CFAP54: variants seen among roughly 807,000 people sequenced by gnomAD.
The protein encoded by CFAP54 is cilia- and flagella-associated protein 54.
Under a neutral mutation model 370.4 loss-of-function variants are expected in CFAP54, and 290 were observed. The observed-to-expected ratio is 0.78, with a 90% CI of 0.71 to 0.86. The LOEUF is 0.86. Among genes scored for constraint, CFAP54 ranks in the 40% least tolerant of loss-of-function variants. CFAP54 has a pLI of 0.00. For synonymous variants in CFAP54, 1,206 were observed against 1,236.5 expected (o/e 0.98, Z 0.52); for missense variants, 3,399 against 3,528.7 (o/e 0.96, Z 0.93).
Position 96,533,810 on chromosome 12 carries a change from A to G in CFAP54, c.1376A>G (p.Asp459Gly). Residue 459 changes from aspartate (D) to glycine (G), a missense_variant, in exon 10 of 68, where the codon GAT (aspartate) becomes GGT (glycine). Physicochemically the swap from Asp to Gly is moderately conservative, Grantham distance 94 (BLOSUM62 -1). This residue lies in a region of CFAP54 where 559 missense variants were observed against 576.7 expected (regional missense o/e 0.97). Transcript: ENST00000524981. The stretch of plus-strand genomic sequence containing the variant: ...TTCCTAGTGTCAAATATTGGTGCAG[A>G]TGGAATGCTTGATTTTCCAAAAACA... ...ELLIMSNIGA[D>G]GMLDFPKTSL... 6.6e-7 allele frequency: 1 copy of G among 1,526,246 alleles called. No individual in the cohort carries two copies. The highest frequency in any genetic ancestry group is 1.4e-5 in the African/African-American group (1 of 72,614). 94.5% of individuals were successfully genotyped at this position (1,526,246 alleles called of 1,614,324 possible).
rs1959917292 is a variant in CFAP54 at position 96,863,134 on chromosome 12, G to A, written c.*14+2182G>A. On this transcript the variant is annotated intron_variant, in intron 67 of 67. Transcript: ENST00000524981. ...TTATAGAACCCTAGAACAATACCTG[G>A]CACATAGGTCTATATTTGTTGGATG... is the stretch of plus-strand genomic sequence containing the variant. Among the ~76,000 whole-genome samples, 3 of 149,826 alleles carry A rather than the reference G, an allele frequency of 2.0e-5. No homozygotes were observed. The Admixed American group carries it at 2.0e-4, about 10-fold the overall frequency.
chr12:96,492,717 GTGC>G (rs1311041337), intron 1 of CFAP54, among the ~76,000 whole-genome samples: 3 of 152,224 alleles, frequency 2.0e-5, no homozygotes, highest in Non-Finnish European at 4.4e-5. Context: ...CCTTGGCCTG[GTGC>G]AGTGGCTTAC....
chr12:96,608,822 G>GAC (rs1336906330), intron 26 of CFAP54, among the ~76,000 whole-genome samples: 1 of 152,074 alleles, frequency 6.6e-6, no homozygotes, highest in African/African-American at 2.4e-5. Context: ...ATAAGAGAGA[G>GAC]AAAACAGGAA....
At chr12:96,692,060 T>C (rs1830178907) in intron 44 of CFAP54, among the ~76,000 whole-genome samples, 1 of 152,078 alleles carries the variant, frequency 6.6e-6, no homozygotes, top group Non-Finnish European at 1.5e-5. Flanking sequence ...TCCATGATTT[T>C]CATACCTTCT....
intron 8 of CFAP54, 34 bp downstream of exon 8, chr12:96,522,223 C>G: frequency 7.4e-7 from 1 of 1,357,134 alleles, no homozygotes; most frequent in Middle Eastern, 2.4e-4. Context: ...CTTTAAGACT[C>G]TTTTTGCAGT....
chr12:96,550,342 C>T (rs1196123910), intron 15 of CFAP54, among the ~76,000 whole-genome samples: 6 of 152,066 alleles, frequency 3.9e-5, no homozygotes, highest in Admixed American at 1.3e-4. Context: ...TTTGGAAGGC[C>T]GAGGTGGGCA....
At chr12:96,612,028 C>T (rs534366367) in intron 26 of CFAP54, among the ~76,000 whole-genome samples, 1 of 152,272 alleles carries the variant, frequency 6.6e-6, no homozygotes, top group African/African-American at 2.4e-5. Context: ...CATTCAAATT[C>T]AGGGTTACAG....
intron 47 of CFAP54, among the ~76,000 whole-genome samples, chr12:96,705,120 C>T (rs961698613): frequency 6.6e-6 from 1 of 152,104 alleles, no homozygotes; most frequent in Non-Finnish European, 1.5e-5. Context: ...AGAGTTGTGG[C>T]ACAACCATTG....
chr12:96,755,542 T>C (rs761663117), intron 56 of CFAP54, among the ~76,000 whole-genome samples: 7 of 152,322 alleles, frequency 4.6e-5, no homozygotes, highest in Non-Finnish European at 1.0e-4. Flanking sequence ...TTTATGTGCC[T>C]GGCTTATTTC....
rs77414458 is a variant in CFAP54 at position 96,749,281 on chromosome 12, C to T, written c.7685-4462C>T. On this transcript the variant is annotated intron_variant, in intron 55 of 67. Coordinates refer to ENST00000524981, the MANE Select transcript of CFAP54 (RefSeq NM_001306084.2). ...CAGGCTTTCTCAAGTTTGTCTTTTA[C>T]GAGGACAAGTCTGTCTTCTTGTTTT... Among the ~76,000 whole-genome samples, 865 of 152,322 alleles carry T rather than the reference C, an allele frequency of 5.7e-3. 8 individuals are homozygous for T. The highest frequency in any genetic ancestry group is 0.019 in the African/African-American group (808 of 41,568).
Position 96,704,775 on chromosome 12 carries a change from T to C in CFAP54, c.6507T>C (p.Leu2169=), listed in dbSNP as rs747647172. The change falls in exon 47 of 68, where the codon CTT becomes CTC. Residue 2169 remains leucine (L), a synonymous_variant. Coordinates refer to ENST00000524981, the MANE Select transcript of CFAP54 (RefSeq NM_001306084.2). ...IFQSFDSGKL[L]TSKENIQAID... ...AATCATTTGACTCAGGAAAACTTCT[T>C]ACCAGTAAAGAAAATATACAGGTAA... 5 of 1,199,110 alleles carry C rather than the reference T, an allele frequency of 4.2e-6. No homozygotes were observed. Among genetic ancestry groups the C allele is most frequent in the Non-Finnish European group, 5.8e-6 (5 of 864,156 alleles). 74.3% of individuals were successfully genotyped at this position (1,199,110 alleles called of 1,614,324 possible). A position where few individuals can be genotyped will look rare whatever the true frequency, so the allele number is the denominator to read the frequency against.
At chr12:96,649,818 T>C in intron 34 of CFAP54, 73 bp from the exon 35 acceptor site, 2 of 954,220 alleles carry the variant, frequency 2.1e-6, no homozygotes, top group South Asian at 3.5e-5. Flanking sequence ...CACTTGATCC[T>C]TATCACCTAC....
At chr12:96,708,556 T>G in intron 47 of CFAP54, 52 bp from the exon 48 acceptor site, 1 of 1,455,172 alleles carries the variant, frequency 6.9e-7, no homozygotes, top group Non-Finnish European at 9.4e-7. Context: ...TATAATAATA[T>G]CTGAAAAAGT....
intron 65 of CFAP54, among the ~76,000 whole-genome samples, chr12:96,828,741 A>C (rs1279338455): frequency 6.6e-6 from 1 of 152,174 alleles, no homozygotes; most frequent in Non-Finnish European, 1.5e-5. Flanking sequence ...GAAACTCTTC[A>C]TTCCAGGGCT....
At position 96,647,844 on chromosome 12, in the gene CFAP54, GT is replaced by G. The variant is rs1484420822; in HGVS notation, c.4548-25del. 3.4e-6 allele frequency: 5 copies of G among 1,474,044 alleles called. No homozygotes were observed. The South Asian group carries it at 6.9e-5, about 20-fold the overall frequency. The allele number at this position is 1,474,044 out of a possible 1,614,324, so 91.3% of individuals were successfully genotyped here. On this transcript the variant is annotated intron_variant, in intron 33 of 67. Transcript: ENST00000524981. ...GATTTAATTCAATTTTGCTTATATT[GT>G]TTTTTAATATGATTTTTCCCCCCTT...
chr12:96,677,741 C>A (rs1264280225), intron 39 of CFAP54, among the ~76,000 whole-genome samples: 1 of 152,142 alleles, frequency 6.6e-6, no homozygotes, highest in East Asian at 1.9e-4. Flanking sequence ...TGTGTCAAGA[C>A]TGAATTTGCA....
intron 50 of CFAP54, among the ~76,000 whole-genome samples, chr12:96,721,667 G>T (rs906113833): frequency 6.6e-6 from 1 of 152,032 alleles, no homozygotes; most frequent in Non-Finnish European, 1.5e-5. Flanking sequence ...TCATTAATTC[G>T]TTTAAAAAAT....
At chr12:96,601,552 C>G (rs560133206) in intron 26 of CFAP54, among the ~76,000 whole-genome samples, 1 of 152,304 alleles carries the variant, frequency 6.6e-6, no homozygotes, top group African/African-American at 2.4e-5. Flanking sequence ...CCTTCTACCT[C>G]TGGTAGAATT....
intron 32 of CFAP54, among the ~76,000 whole-genome samples, chr12:96,642,032 A>G (rs1956736229): frequency 6.6e-6 from 1 of 152,146 alleles, no homozygotes; most frequent in South Asian, 2.1e-4. Context: ...TACATATGTA[A>G]CAAACTTGCA....
Sources: allele counts gnomAD v4.1 joint callset (sites outside exome capture counted in the v4.1 genomes callset), GRCh38; gene constraint gnomAD v4.1.1; regional missense constraint gnomAD v4.1.1; transcripts MANE v1.5; gene names NCBI Gene and HGNC (gene_info 2026-07-23, HGNC 2026-07-21).